LRRC49: variants seen among roughly 807,000 people sequenced by gnomAD.
The protein encoded by LRRC49 is leucine-rich repeat-containing protein 49.
LRRC49 carries 50 observed loss-of-function variants against 83.3 expected under a neutral mutation model. That is an observed-to-expected ratio of 0.60 (90% confidence interval 0.48 to 0.76). The LOEUF (loss-of-function observed/expected upper bound fraction) is 0.76, where lower values mean the gene tolerates loss of function less well. LRRC49 is among the 30% of genes least tolerant of loss of function. The pLI, the probability that LRRC49 is intolerant of heterozygous loss-of-function variation, is 0.00. For missense variants in LRRC49, 704 were observed against 809.1 expected, an observed-to-expected ratio of 0.87 and a Z score of 1.58; for synonymous variants, 286 against 283.3, an observed-to-expected ratio of 1.01 and a Z score of -0.10.
Position 71,001,593 on chromosome 15 carries a change from C to T in LRRC49, c.1170-6786C>T, listed in dbSNP as rs1396503479. Among the ~76,000 whole-genome samples, 3 of 152,072 alleles carry T rather than the reference C, an allele frequency of 2.0e-5. 1 individual carries two copies. Among genetic ancestry groups the T allele is most frequent in the African/African-American group, 7.2e-5 (3 of 41,394 alleles). On this transcript the variant is annotated intron_variant, in intron 11 of 15. Transcript: ENST00000260382. Reference sequence around the variant, plus strand: ...CTGCCAATAGTCTTCCCCTACTGCACTTGTTGTTGTTGTGGGTTTATGTCT... The same window carrying T: ...CTGCCAATAGTCTTCCCCTACTGCATTTGTTGTTGTTGTGGGTTTATGTCT...
intron 14 of LRRC49, among the ~76,000 whole-genome samples, chr15:71,013,779 C>A (rs2038737000): frequency 6.6e-6 from 1 of 152,116 alleles, no homozygotes; most frequent in South Asian, 2.1e-4. Flanking sequence ...TAGACTGAGC[C>A]TCCAGAGATA....
rs534399802 is a variant in LRRC49 at position 71,027,407 on chromosome 15, G to T, written c.1704-9772G>T. Among the ~76,000 whole-genome samples the T allele has an allele frequency of 4.9e-4, 75 of 152,264 alleles. 1 individual carries two copies. The highest frequency in any genetic ancestry group is 1.2e-3 in the South Asian group (6 of 4,828). On this transcript the variant is annotated intron_variant, in intron 14 of 15. Coordinates refer to ENST00000260382, the MANE Select transcript of LRRC49 (RefSeq NM_017691.5). Reference sequence around the variant, plus strand: ...CTCCAGCTTTGTTCTTTTTGCTTAGGATTGCCTTGCCTATATGGGCTCTTT... The same window carrying T: ...CTCCAGCTTTGTTCTTTTTGCTTAGTATTGCCTTGCCTATATGGGCTCTTT...
At chr15:70,884,489 C>T (rs1015789687) in intron 2 of LRRC49, among the ~76,000 whole-genome samples, 14 of 151,888 alleles carry the variant, frequency 9.2e-5, no homozygotes, top group African/African-American at 3.4e-4. Context: ...CACTGCACTC[C>T]AGCCTGGGCG....
chr15:71,034,925 T>C (rs1402571989), intron 14 of LRRC49, among the ~76,000 whole-genome samples: 1 of 152,004 alleles, frequency 6.6e-6, no homozygotes. Context: ...TCAGGATAAA[T>C]AGCTAATGCA....
At chr15:70,884,027 GT>G (rs1303726576) in intron 2 of LRRC49, among the ~76,000 whole-genome samples, 1 of 152,070 alleles carries the variant, frequency 6.6e-6, no homozygotes, top group Non-Finnish European at 1.5e-5. Flanking sequence ...TATGTAAAAG[GT>G]AATATAAGAC....
At chr15:70,992,548 T>G (rs1016201490) in intron 11 of LRRC49, among the ~76,000 whole-genome samples, 1 of 152,214 alleles carries the variant, frequency 6.6e-6, no homozygotes, top group South Asian at 2.1e-4. Flanking sequence ...CAGCTGTAGG[T>G]CTGTTGGAGT....
intron 8 of LRRC49, among the ~76,000 whole-genome samples, chr15:70,955,150 T>G (rs1406861611): frequency 1.3e-5 from 2 of 152,026 alleles, no homozygotes; most frequent in Admixed American, 6.6e-5. Flanking sequence ...AATCTGAGGT[T>G]GATTGAATTC....
intron 5 of LRRC49, 138 bp from the exon 6 acceptor site, chr15:70,911,389 ATATAT>A (rs759972186): frequency 2.8e-4 from 117 of 414,490 alleles, no homozygotes; most frequent in Non-Finnish European, 4.2e-4. Context: ...TCAGAGGGAA[ATATAT>A]TATTGTTGAA....
At chr15:71,005,075 T>C (rs117659549) in intron 11 of LRRC49, among the ~76,000 whole-genome samples, 6 of 152,288 alleles carry the variant, frequency 3.9e-5, no homozygotes, top group Non-Finnish European at 8.8e-5. Flanking sequence ...CATAAATATA[T>C]TATACATAAT....
chr15:70,860,026 C>T, intron 1 of LRRC49: 1 of 745,976 alleles, frequency 1.3e-6, no homozygotes, highest in South Asian at 1.4e-5. Flanking sequence ...TCAGCTACAG[C>T]CTGGGCTCCA....
At chr15:70,896,088 T>C in intron 3 of LRRC49, 152 bp downstream of exon 3, 1 of 580,636 alleles carries the variant, frequency 1.7e-6, no homozygotes. Context: ...TTTAAATCAT[T>C]GGTTATATAT....
At chr15:70,997,214 T>G (rs187998312) in intron 11 of LRRC49, among the ~76,000 whole-genome samples, 2 of 152,354 alleles carry the variant, frequency 1.3e-5, no homozygotes, top group Admixed American at 6.5e-5. Context: ...GTATTTTAGA[T>G]GTTAAGTGCA....
rs777903590 is a variant in LRRC49, at chr15:70,936,749, A to G, written c.712-12A>G. ...TTCATCTGATTAAGTTTTGCTGTCT[A>G]TTTTCTTCCAGAGAGATGTGGATAA... On this transcript the variant is annotated splice_polypyrimidine_tract_variant and intron_variant, in intron 7 of 15. Coordinates refer to ENST00000260382, the MANE Select transcript of LRRC49 (RefSeq NM_017691.5). 5 of 1,583,382 alleles carry G rather than the reference A, an allele frequency of 3.2e-6. No individual in the cohort carries two copies. The highest frequency in any genetic ancestry group is 2.2e-5 in the East Asian group (1 of 44,692).
chr15:70,858,797 C>T (rs1433767936), intron 1 of LRRC49: 12 of 867,898 alleles, frequency 1.4e-5, no homozygotes, highest in Non-Finnish European at 2.1e-5. Context: ...CACAAGTGGG[C>T]CCAGTGCCCG....
chr15:70,894,848 ACACT>A, intron 2 of LRRC49: 1 of 192,388 alleles, frequency 5.2e-6, no homozygotes, highest in Non-Finnish European at 1.1e-5. Context: ...AAAATGGTAA[ACACT>A]CAGAAAATAG....
At chr15:70,987,403 A>G (rs2037667711) in intron 11 of LRRC49, among the ~76,000 whole-genome samples, 1 of 151,878 alleles carries the variant, frequency 6.6e-6, no homozygotes, top group South Asian at 2.1e-4. Context: ...TTTCTTCTAG[A>G]TTTTCTAGTT....
intron 14 of LRRC49, among the ~76,000 whole-genome samples, chr15:71,015,445 T>C (rs184733318): frequency 5.3e-5 from 8 of 152,224 alleles, no homozygotes; most frequent in African/African-American, 1.4e-4. Context: ...CAGTTCACAA[T>C]AGGGTTTGCG....
chr15:70,882,184 T>A, intron 2 of LRRC49: 1 of 333,532 alleles, frequency 3.0e-6, no homozygotes, highest in East Asian at 5.3e-5. Context: ...GAAGTGTTGC[T>A]GATATTGTGG....
chr15:70,982,341 A>T (rs572735446), intron 10 of LRRC49, among the ~76,000 whole-genome samples: 3 of 152,134 alleles, frequency 2.0e-5, no homozygotes, highest in East Asian at 3.9e-4. Flanking sequence ...GATACTGAGT[A>T]AAAAAAACAG....
Sources: gnomAD v4.1 joint callset for allele counts (sites outside exome capture counted in the v4.1 genomes callset) on GRCh38, gnomAD v4.1.1 for gene constraint, MANE v1.5 for transcripts, NCBI Gene and HGNC (gene_info 2026-07-23, HGNC 2026-07-21) for gene names.